Variants in KDM1A observed in about 807,000 individuals in gnomAD.
KDM1A encodes the protein lysine demethylase 1A.
A neutral mutation model predicts 109.4 loss-of-function variants in KDM1A; 49 were observed. The observed-to-expected ratio is 0.45, with a 90% CI of 0.36 to 0.57. KDM1A has a LOEUF of 0.57. KDM1A is among the 20% of genes least tolerant of loss of function. The pLI, the probability that KDM1A is intolerant of heterozygous loss-of-function variation, is 0.00. For missense variants in KDM1A, 668 were observed against 1,116.6 expected (o/e 0.60, Z 5.73); for synonymous variants, 380 against 415.4 (o/e 0.91, Z 1.04).
Position 23,075,312 on chromosome 1 carries a change from G to A in KDM1A, c.1734+1909G>A, listed in dbSNP as rs71638872. ...AATTAAGACTGTATAGGCTGGGTAC[G>A]GTGGCTCACGCCTTTTTAAACCCAG... On this transcript the variant is annotated intron_variant, in intron 15 of 20. Coordinates refer to ENST00000400181, the MANE Select transcript of KDM1A (RefSeq NM_001009999.3). 2.6e-5 allele frequency among the ~76,000 whole-genome samples: 4 copies of A among 152,268 alleles called. No homozygotes were observed. The South Asian group carries it at 8.3e-4, about 32-fold the overall frequency.
intron 3 of KDM1A, among the ~76,000 whole-genome samples, chr1:23,050,168 T>C (rs1481497795): frequency 6.6e-6 from 1 of 152,218 alleles, no homozygotes; most frequent in African/African-American, 2.4e-5. Flanking sequence ...TTTTAAATGC[T>C]TTGTCTTATA....
At chr1:23,068,828 T>A in intron 11 of KDM1A, 147 bp downstream of exon 11, 3 of 713,072 alleles carry the variant, frequency 4.2e-6, no homozygotes, top group Non-Finnish European at 6.4e-6. Context: ...AAAAATTATT[T>A]AAAATAATTA....
chr1:23,083,219 G>C lies in KDM1A; in HGVS notation c.2486G>C (p.Arg829Pro), dbSNP rs769378240. 2 of 1,613,492 alleles carry C rather than the reference G, an allele frequency of 1.2e-6. No homozygotes were observed. Among genetic ancestry groups the C allele is most frequent in the Admixed American group, 1.7e-5 (1 of 59,980 alleles). ...TTCTTTGCGGGAGAACATACGATCC[G>C]TAACTACCCAGCCACAGTGCATGGT... is the stretch of plus-strand genomic sequence containing the variant. ...RLFFAGEHTIRNYPATVHGAL... is the reference protein window; with the variant it reads ...RLFFAGEHTIPNYPATVHGAL... The change falls in exon 21 of 21, where the codon CGT becomes CCT. Residue 829 changes from arginine to proline, a missense_variant. Arg to Pro is a moderately radical substitution (Grantham distance 103). This residue lies in a region of KDM1A where 69 missense variants were observed against 99.6 expected (regional missense o/e 0.69). Coordinates refer to ENST00000400181, the MANE Select transcript of KDM1A (RefSeq NM_001009999.3).
intron 15 of KDM1A, among the ~76,000 whole-genome samples, chr1:23,076,242 C>T (rs552773812): frequency 1.4e-4 from 22 of 152,216 alleles, no homozygotes; most frequent in African/African-American, 5.1e-4. Context: ...AATTAGAAAT[C>T]CTTACCAGCT....
rs1367946924 is a variant in KDM1A, at chr1:23,079,504, G to A, written c.2056-49G>A. On this transcript the variant is annotated intron_variant, in intron 17 of 20. Coordinates refer to ENST00000400181, the MANE Select transcript of KDM1A (RefSeq NM_001009999.3). This position sits in a 1 kb window ranked among gnomAD's most constrained non-coding sequence, Gnocchi z 5.6. ...ACTTTAAGGAAGTCTGTTGAAGCCA[G>A]TATTATCTGGCCCCTGTCACTGGCT... 7.2e-7 allele frequency: 1 copy of A among 1,393,296 alleles called. No individual in the cohort carries two copies. The allele number at this position is 1,393,296 out of a possible 1,614,324, so 86.3% of individuals were successfully genotyped here. A position where few individuals can be genotyped will look rare whatever the true frequency, so the allele number is the denominator to read the frequency against.
chr1:23,022,497 G>T (rs939872114), intron 1 of KDM1A, among the ~76,000 whole-genome samples: 1 of 151,526 alleles, frequency 6.6e-6, no homozygotes, highest in Non-Finnish European at 1.5e-5. Flanking sequence ...CACCATGCCC[G>T]GCTAACTTTG....
Position 23,058,036 on chromosome 1 carries a change from G to A in KDM1A, c.1072+471G>A, listed in dbSNP as rs895067018. Reference sequence around the variant, plus strand: ...TCATGATTAACGTGGCATTGTTTTTGTTTGTTTCGAGACATGGTCTCGCTC... The same window carrying A: ...TCATGATTAACGTGGCATTGTTTTTATTTGTTTCGAGACATGGTCTCGCTC... On this transcript the variant is annotated intron_variant, in intron 8 of 20. Transcript: ENST00000400181. 2.6e-5 allele frequency: 4 copies of A among 152,224 alleles called. 1 individual carries two copies. Among genetic ancestry groups the A allele is most frequent in the African/African-American group, 9.8e-5 (4 of 41,000 alleles). 9.4% of individuals were successfully genotyped at this position (152,224 alleles called of 1,614,324 possible).
intron 2 of KDM1A, among the ~76,000 whole-genome samples, chr1:23,034,902 G>A (rs1642097657): frequency 6.6e-6 from 1 of 152,152 alleles, no homozygotes; most frequent in Non-Finnish European, 1.5e-5. Context: ...TCAGAAGTGT[G>A]TGTGTATATG....
At chr1:23,081,966 G>A in intron 19 of KDM1A, 2 of 459,294 alleles carry the variant, frequency 4.4e-6, no homozygotes, top group East Asian at 7.0e-5. Context: ...TTATAAAAGA[G>A]AATAAAGGCC....
Position 23,059,186 on chromosome 1 carries a change from G to C in KDM1A, c.1167+19G>C. On this transcript the variant is annotated intron_variant, in intron 9 of 20. Transcript: ENST00000400181. ...ACAAGCTGTAAGTCGAGGACAAACA[G>C]AACTTTCAACATTTCTTTGGTTCAC... 6.3e-7 allele frequency: 1 copy of C among 1,592,612 alleles called. No individual in the cohort carries two copies. The highest frequency in any genetic ancestry group is 1.1e-5 in the South Asian group (1 of 89,690).
At chr1:23,047,920 AAC>A (rs1642549032) in intron 3 of KDM1A, among the ~76,000 whole-genome samples, 1 of 151,918 alleles carries the variant, frequency 6.6e-6, no homozygotes, top group African/African-American at 2.4e-5. Context: ...AAAAAAAAAA[AAC>A]ATCTGTAGTG....
intron 2 of KDM1A, among the ~76,000 whole-genome samples, chr1:23,043,204 C>T (rs1642403784): frequency 6.6e-6 from 1 of 152,154 alleles, no homozygotes; most frequent in Non-Finnish European, 1.5e-5. Context: ...TGATTGTATG[C>T]CTTTTTCCAA....
chr1:23,039,506 G>T (rs1642244615), intron 2 of KDM1A, among the ~76,000 whole-genome samples: 1 of 152,046 alleles, frequency 6.6e-6, no homozygotes, highest in Non-Finnish European at 1.5e-5. Context: ...TGTTGTCTTT[G>T]TGCCAAAGAT....
chr1:23,032,923 G>A (rs1428775112), intron 2 of KDM1A, among the ~76,000 whole-genome samples: 6 of 152,260 alleles, frequency 3.9e-5, no homozygotes, highest in African/African-American at 7.2e-5. Context: ...TTTTGGAGAC[G>A]GAGTCTCGCT....
rs1354921878 is a variant in KDM1A, at chr1:23,079,742, A to G, written c.2170+75A>G. 4 of 842,636 alleles carry G rather than the reference A, an allele frequency of 4.7e-6. No homozygotes were observed. In the African/African-American group the frequency reaches 5.2e-5, roughly 11 times the overall value. The allele number at this position is 842,636 out of a possible 1,614,324, so 52.2% of individuals were successfully genotyped here. A position where few individuals can be genotyped will look rare whatever the true frequency, so the allele number is the denominator to read the frequency against. ...AATTTGAAATATTTTGGGTTTTCTC[A>G]ATATATATGCCTTAATTTCTCTCTT... On this transcript the variant is annotated intron_variant, in intron 18 of 20. Transcript: ENST00000400181. This position sits in a 1 kb window ranked among gnomAD's most constrained non-coding sequence, Gnocchi z 5.6.
At chr1:23,029,378 T>C (rs1323720163) in intron 1 of KDM1A, among the ~76,000 whole-genome samples, 2 of 152,220 alleles carry the variant, frequency 1.3e-5, no homozygotes, top group Admixed American at 1.3e-4. Context: ...AGCTGTAGTT[T>C]CTTTTATTAG....
chr1:23,039,523 C>G (rs540599985), intron 2 of KDM1A, among the ~76,000 whole-genome samples: 1 of 152,324 alleles, frequency 6.6e-6, no homozygotes, highest in South Asian at 2.1e-4. Flanking sequence ...AGATCACACA[C>G]TTTTCCTTCA....
chr1:23,024,805 A>G (rs1199407075), intron 1 of KDM1A, among the ~76,000 whole-genome samples: 2 of 152,238 alleles, frequency 1.3e-5, no homozygotes, highest in Non-Finnish European at 2.9e-5. Flanking sequence ...CCTCAGGTAA[A>G]TAAGCCCTAC....
chr1:23,033,623 G>A (rs376247419), intron 2 of KDM1A, among the ~76,000 whole-genome samples: 1 of 152,292 alleles, frequency 6.6e-6, no homozygotes, highest in East Asian at 1.9e-4. Context: ...TTTGCTTTCT[G>A]CAGTGTGTTA....
Sources: gnomAD v4.1 joint callset for allele counts (sites outside exome capture counted in the v4.1 genomes callset) on GRCh38, gnomAD v4.1.1 for gene constraint, gnomAD v4.1.1 regional missense constraint, Gnocchi (gnomAD v3.1) non-coding constraint, MANE v1.5 for transcripts, NCBI Gene and HGNC (gene_info 2026-07-23, HGNC 2026-07-21) for gene names.